Variants in FIGN observed in about 807,000 individuals in gnomAD.
FIGN encodes fidgetin, microtubule severing factor, also known as fidgetin.
Under a neutral mutation model 51.3 loss-of-function variants are expected in FIGN, and 11 were observed. That is an observed-to-expected ratio of 0.21 (90% CI 0.13 to 0.35). The LOEUF (loss-of-function observed/expected upper bound fraction) is 0.35. Ranked by LOEUF, FIGN falls within the 10% of genes least tolerant of loss-of-function variation. The probability of loss-of-function intolerance (pLI) is 1.00; values close to 1 mark genes in which losing one functional copy is unlikely to be tolerated. For missense variants in FIGN, 857 were observed against 943.6 expected (o/e 0.91, Z 1.20); for synonymous variants, 407 against 363.2 (o/e 1.12, Z -1.37).
At chr2:163,617,212 G>A in intron 2 of FIGN, 3 of 984,918 alleles carry the variant, frequency 3.0e-6, no homozygotes, top group Non-Finnish European at 3.6e-6. Context: ...AAAAAAGTGA[G>A]GAAGAAGCAC....
intron 2 of FIGN, among the ~76,000 whole-genome samples, chr2:163,700,783 T>C (rs1439100120): frequency 6.6e-6 from 1 of 152,158 alleles, no homozygotes; most frequent in Non-Finnish European, 1.5e-5. Context: ...CTAAAACTAC[T>C]GATGGCTTTT....
chr2:163,678,405 G>C lies in FIGN; in HGVS notation c.25+56498C>G, dbSNP rs372111743. Among the ~76,000 whole-genome samples, 17 of 152,142 alleles carry C rather than the reference G, an allele frequency of 1.1e-4. No homozygotes were observed. In the East Asian group the frequency reaches 3.1e-3, roughly 28 times the overall value. On this transcript the variant is annotated intron_variant, in intron 2 of 2. Coordinates refer to ENST00000333129, the MANE Select transcript of FIGN (RefSeq NM_018086.4). ...CCAGCTAATTTTTGTATTTTTAGTA[G>C]AGACGGGTTTTCAACATGTTGGCCA...
intron 2 of FIGN, among the ~76,000 whole-genome samples, chr2:163,666,917 G>A (rs151046663): frequency 1.5e-4 from 22 of 149,934 alleles, no homozygotes; most frequent in African/African-American, 5.5e-4. Context: ...AAAAAAAATT[G>A]AGACTCATGC....
rs3833554 is a variant in FIGN, at chr2:163,609,529, AT to A, written c.*22del. 916,480 of 1,496,764 alleles carry A rather than the reference AT, an allele frequency of 0.61. 283,093 individuals carry two copies. Among genetic ancestry groups the A allele is most frequent in the Non-Finnish European group, 0.66 (726,441 of 1,098,514 alleles). 92.7% of individuals were successfully genotyped at this position (1,496,764 alleles called of 1,614,324 possible). A position where few individuals can be genotyped will look rare whatever the true frequency, so the allele number is the denominator to read the frequency against. On this transcript the variant is annotated 3_prime_UTR_variant, in exon 3 of 3. Coordinates refer to ENST00000333129, the MANE Select transcript of FIGN (RefSeq NM_018086.4). ...ATGTGTGTGTGCCAACATTCATTACATTTTTTTTTTCTAAAGAAGTTATCAC... is the reference window on the plus strand; with the variant it reads ...ATGTGTGTGTGCCAACATTCATTACATTTTTTTTTCTAAAGAAGTTATCAC...
rs193235581 is a variant in FIGN, at chr2:163,655,937, G to A, written c.26-44131C>T. The stretch of plus-strand genomic sequence containing the variant: ...TTACAGCATAAGTGGACTGAGCTAG[G>A]GAGTCTTTCATTGCTTCTTCAACAC... On this transcript the variant is annotated intron_variant, in intron 2 of 2. Coordinates refer to ENST00000333129, the MANE Select transcript of FIGN (RefSeq NM_018086.4). Among the ~76,000 whole-genome samples, 12 of 152,116 alleles carry A rather than the reference G, an allele frequency of 7.9e-5. No individual in the cohort carries two copies. In the East Asian group the frequency reaches 2.3e-3, roughly 29 times the overall value.
intron 2 of FIGN, among the ~76,000 whole-genome samples, chr2:163,655,864 C>CTCCA (rs2105324272): frequency 6.6e-6 from 1 of 151,878 alleles, no homozygotes; most frequent in East Asian, 1.9e-4. Context: ...ACTCTAAACA[C>CTCCA]TCCATGCAGA....
At position 163,610,707 on chromosome 2, in the gene FIGN, T is replaced by C; in HGVS notation, c.1125A>G (p.Ala375=). Residue 375 remains alanine, a synonymous_variant, in exon 3 of 3, where the codon GCA becomes GCG. Coordinates refer to ENST00000333129, the MANE Select transcript of FIGN (RefSeq NM_018086.4). ...ACATTAGCTGCTTCGTTGGCTTAAA[T>C]GCTAAGGATGATGTTTCAGCACTTC... ...FDRSAETSSL[A]FKPTKQLMSS... 1 of 1,614,202 alleles carries C rather than the reference T, an allele frequency of 6.2e-7. No individual in the cohort carries two copies. The highest frequency in any genetic ancestry group is 8.5e-7 in the Non-Finnish European group (1 of 1,180,022).
At position 163,603,196 on chromosome 2, in the gene FIGN, TAAC is replaced by T. The variant is rs1691011359; in HGVS notation, c.*6353_*6355del. On this transcript the variant is annotated 3_prime_UTR_variant, in exon 3 of 3. Transcript: ENST00000333129. The stretch of plus-strand genomic sequence containing the variant: ...GTTTCATTTTTAATGAGTGCAATAA[TAAC>T]ACATTTAGTTTCAGCAGATGTAAAA... 6.6e-6 allele frequency: 1 copy of T among 152,104 alleles called. No homozygotes were observed. The highest frequency in any genetic ancestry group is 1.9e-4 in the East Asian group (1 of 5,194). 9.4% of individuals were successfully genotyped at this position (152,104 alleles called of 1,614,324 possible).
At chr2:163,702,037 C>G (rs1020644562) in intron 2 of FIGN, among the ~76,000 whole-genome samples, 16 of 152,142 alleles carry the variant, frequency 1.1e-4, no homozygotes, top group African/African-American at 3.6e-4. Flanking sequence ...AGAACCAGTG[C>G]TGTCCTCCCA....
rs1491386168 is a variant in FIGN, at chr2:163,676,482, T to TATATATAA, written c.25+58420_25+58421insTTATATAT. On this transcript the variant is annotated intron_variant, in intron 2 of 2. Transcript: ENST00000333129. The stretch of plus-strand genomic sequence containing the variant: ...ATATATATATATATATATATATATA[T>TATATATAA]AACTAGAGTCTGTGCACCCGAATCT... Among the ~76,000 whole-genome samples the TATATATAA allele has an allele frequency of 8.7e-5, 5 of 57,304 alleles. 1 individual carries two copies. Among genetic ancestry groups the TATATATAA allele is most frequent in the African/African-American group, 2.3e-4 (5 of 21,282 alleles). The allele number at this position is 57,304 out of a possible 152,430, so 37.6% of individuals were successfully genotyped here.
In FIGN at chr2:163,611,341, G is replaced by A. The variant is rs1411478371; in HGVS notation, c.491C>T (p.Ser164Leu). ...AGTGTGGCTTCCACAGGTACTACTTGAATAACTAGGTTCTGTCAGGTTGCT... is the reference window on the plus strand; with the variant it reads ...AGTGTGGCTTCCACAGGTACTACTTAAATAACTAGGTTCTGTCAGGTTGCT... ...VASNLTEPSY[S>L]SSTCGSHTVP... Residue 164 changes from serine (S) to leucine (L), a missense_variant, in exon 3 of 3, where the codon TCA becomes TTA. Physicochemically the swap from Ser to Leu is moderately radical, Grantham distance 145 (BLOSUM62 -2). Transcript: ENST00000333129. 2.5e-6 allele frequency: 4 copies of A among 1,614,150 alleles called. No homozygotes were observed. In the South Asian group the frequency reaches 3.3e-5, roughly 13 times the overall value.
At chr2:163,696,465 T>C (rs1684320473) in intron 2 of FIGN, among the ~76,000 whole-genome samples, 2 of 152,178 alleles carry the variant, frequency 1.3e-5, no homozygotes. Context: ...TGTCACTTTC[T>C]TGGATGAAAT....
intron 2 of FIGN, among the ~76,000 whole-genome samples, chr2:163,712,336 TA>T (rs1285383564): frequency 6.6e-6 from 1 of 152,212 alleles, no homozygotes; most frequent in Non-Finnish European, 1.5e-5. Context: ...ATGTTTCTTT[TA>T]ATCTATTTTT....
chr2:163,702,953 T>C (rs893755975), intron 2 of FIGN, among the ~76,000 whole-genome samples: 3 of 151,946 alleles, frequency 2.0e-5, no homozygotes, highest in Non-Finnish European at 4.4e-5. Flanking sequence ...CTTTGCCCCA[T>C]ACTAAAAGCT....
At chr2:163,660,837 A>ATATATACG (rs796535726) in intron 2 of FIGN, among the ~76,000 whole-genome samples, 1 of 32,286 alleles carries the variant, frequency 3.1e-5, no homozygotes, top group Non-Finnish European at 7.3e-5. Flanking sequence ...ATGTATACAT[A>ATATATACG]TATACATATA....
chr2:163,607,103 AC>A lies in FIGN; in HGVS notation c.*2448del, dbSNP rs763327445. On this transcript the variant is annotated 3_prime_UTR_variant, in exon 3 of 3. Coordinates refer to ENST00000333129, the MANE Select transcript of FIGN (RefSeq NM_018086.4). ...GACTGGGTTTGTCAAAACTTGCCAG[AC>A]GCTTTCAAGTGAACACAGCATGTTG... 6.6e-6 allele frequency: 1 copy of A among 152,204 alleles called. No homozygotes were observed. The highest frequency in any genetic ancestry group is 1.5e-5 in the Non-Finnish European group (1 of 68,036). The allele number at this position is 152,204 out of a possible 1,614,324, so 9.4% of individuals were successfully genotyped here.
intron 2 of FIGN, among the ~76,000 whole-genome samples, chr2:163,662,162 A>C (rs1312900739): frequency 6.6e-6 from 1 of 152,122 alleles, no homozygotes; most frequent in Non-Finnish European, 1.5e-5. Flanking sequence ...GTCCAGGCTG[A>C]GGTGGTCTCA....
intron 2 of FIGN, among the ~76,000 whole-genome samples, chr2:163,633,538 G>A (rs1043762209): frequency 2.0e-5 from 3 of 152,146 alleles, no homozygotes; most frequent in Non-Finnish European, 4.4e-5. Context: ...CTGTTTCAGG[G>A]ATATTGCTGC....
intron 2 of FIGN, among the ~76,000 whole-genome samples, chr2:163,670,650 T>A (rs1042298970): frequency 6.6e-6 from 1 of 152,258 alleles, no homozygotes. Flanking sequence ...TTGGTCGATG[T>A]ATATATTGTA....
Sources: allele counts gnomAD v4.1 joint callset (sites outside exome capture counted in the v4.1 genomes callset), GRCh38; gene constraint gnomAD v4.1.1; transcripts MANE v1.5; gene names NCBI Gene and HGNC (gene_info 2026-07-23, HGNC 2026-07-21).